SLC2A6: variants seen among roughly 807,000 people sequenced by gnomAD.
SLC2A6 encodes solute carrier family 2 member 6.
Under a neutral mutation model 47.8 loss-of-function variants are expected in SLC2A6, and 39 were observed. The observed-to-expected ratio is 0.82, with a 90% CI of 0.63 to 1.07. The LOEUF is 1.07. SLC2A6 is among the 50% of genes least tolerant of loss of function. The probability of loss-of-function intolerance (pLI) is 0.00; values close to 1 mark genes in which losing one functional copy is unlikely to be tolerated. For synonymous variants in SLC2A6, 346 were observed against 324.1 expected (o/e 1.07, Z -0.73); for missense variants, 650 against 707.6 (o/e 0.92, Z 0.92).
intron 9 of SLC2A6, among the ~76,000 whole-genome samples, chr9:133,472,549 A>ATGGACTCACTCTGGGTTGCC (rs1317459309): frequency 6.6e-5 from 10 of 152,030 alleles, no homozygotes; most frequent in Admixed American, 4.6e-4. Flanking sequence ...CTCTAGGCTG[A>ATGGACTCACTCTGGGTTGCC]TGGACTCACT....
chr9:133,472,244 G>T, intron 9 of SLC2A6, 68 bp from the exon 10 acceptor site: 1 of 1,569,756 alleles, frequency 6.4e-7, no homozygotes, highest in Non-Finnish European at 8.7e-7. Flanking sequence ...AGAGGAGCTC[G>T]TGGGCGCTGC....
At chr9:133,476,386 A>G in intron 3 of SLC2A6, 50 bp from the exon 4 acceptor site, 1 of 1,533,898 alleles carries the variant, frequency 6.5e-7, no homozygotes, top group East Asian at 2.3e-5. Flanking sequence ...ACTGGTTCCT[A>G]GGCCCGGCCG....
At chr9:133,474,151 C>T in intron 6 of SLC2A6, 63 bp from the exon 7 acceptor site, 1 of 1,358,536 alleles carries the variant, frequency 7.4e-7, no homozygotes, top group East Asian at 2.5e-5. Flanking sequence ...CCTCCAGGAC[C>T]CAGCTTGTCC....
chr9:133,476,131 C>T (rs1554803272), intron 4 of SLC2A6, 106 bp downstream of exon 4: 1 of 905,416 alleles, frequency 1.1e-6, no homozygotes, highest in Admixed American at 2.4e-5. Flanking sequence ...TGCCTCTCAG[C>T]CCAGGATCTG....
At chr9:133,476,747 C>G (rs587688537) in intron 3 of SLC2A6, among the ~76,000 whole-genome samples, 2 of 152,284 alleles carry the variant, frequency 1.3e-5, no homozygotes, top group East Asian at 3.9e-4. Context: ...CCCTCTCCTA[C>G]CCATTGCTCA....
rs1554802637 is a variant in SLC2A6, at chr9:133,474,099, G to T, written c.928-11C>A. 1.9e-6 allele frequency: 3 copies of T among 1,585,366 alleles called. No homozygotes were observed. In the South Asian group the frequency reaches 3.4e-5, roughly 18 times the overall value. On this transcript the variant is annotated splice_polypyrimidine_tract_variant and intron_variant, in intron 6 of 9. Coordinates refer to ENST00000371899, the MANE Select transcript of SLC2A6 (RefSeq NM_017585.4). ...GTCGTCCTTGGGGGGCTATCGGGGG[G>T]AGACCACCAGGGCTGAGGGACCTGC...
At chr9:133,475,795 T>A (rs1225994295) in intron 4 of SLC2A6, among the ~76,000 whole-genome samples, 184 bp from the exon 5 acceptor site, 2 of 152,274 alleles carry the variant, frequency 1.3e-5, no homozygotes, top group East Asian at 3.9e-4. Flanking sequence ...TGGCACATAG[T>A]GGGAAGTCCT....
In SLC2A6 at chr9:133,475,077, G is replaced by A; in HGVS notation, c.811C>T (p.His271Tyr). The A allele has an allele frequency of 2.5e-6, 4 of 1,597,014 alleles. No individual in the cohort carries two copies. The highest frequency in any genetic ancestry group is 2.3e-5 in the East Asian group (1 of 44,264). ...RVSWAEARAP[H>Y]VCRPITVALL... is the part of the protein sequence containing the mutation. ...GCCACGGTGATGGGCCGGCACACGT[G>A]TGGGGCCCGTGCCTCAGCCCACGAT... The change falls in exon 6 of 10, where the codon CAC becomes TAC. Residue 271 changes from histidine (H) to tyrosine (Y), a missense_variant. His to Tyr is a moderately conservative substitution (Grantham distance 83, BLOSUM62 2). Transcript: ENST00000371899.
chr9:133,476,246 A>G lies in SLC2A6; in HGVS notation c.553T>C (p.Tyr185His). The change falls in exon 4 of 10, where the codon TAC becomes CAC. Residue 185 changes from tyrosine (Y) to histidine (H), a missense_variant. Coordinates refer to ENST00000371899, the MANE Select transcript of SLC2A6 (RefSeq NM_017585.4). ...GCGGGGCCATACTTGCCAAGGGCGT[A>G]GAGGGACAGGGATCCGAACACTGCC... ...LMAVFGSLSL[Y>H]ALGLLLPWRW... 1.2e-6 allele frequency: 2 copies of G among 1,612,528 alleles called. No individual in the cohort carries two copies. The highest frequency in any genetic ancestry group is 1.7e-6 in the Non-Finnish European group (2 of 1,179,596).
intron 7 of SLC2A6, 104 bp from the exon 8 acceptor site, chr9:133,473,704 G>A (rs920070845): frequency 2.9e-5 from 35 of 1,226,064 alleles, no homozygotes; most frequent in South Asian, 6.5e-5. Context: ...GGTCCAGCTC[G>A]TGTCTGGGAC....
In SLC2A6 at chr9:133,473,783, C is replaced by T. The variant is rs1021563591; in HGVS notation, c.1037-183G>A. 38 of 758,224 alleles carry T rather than the reference C, an allele frequency of 5.0e-5. No homozygotes were observed. The African/African-American group carries it at 5.1e-4, about 10-fold the overall frequency. The allele number at this position is 758,224 out of a possible 1,614,324, so 47.0% of individuals were successfully genotyped here. A position where few individuals can be genotyped will look rare whatever the true frequency, so the allele number is the denominator to read the frequency against. On this transcript the variant is annotated intron_variant, in intron 7 of 9. Transcript: ENST00000371899. ...GTTAGGCTCCCACCGTGGAGTGTCACAGCCAGTGTGTCCACTCGGAGCCCC... is the reference window on the plus strand; with the variant it reads ...GTTAGGCTCCCACCGTGGAGTGTCATAGCCAGTGTGTCCACTCGGAGCCCC...
chr9:133,478,715 C>G, intron 1 of SLC2A6: 1 of 585,988 alleles, frequency 1.7e-6, no homozygotes, highest in Admixed American at 3.2e-5. Context: ...AGGCAGAACC[C>G]CTGCTCGCTG....
chr9:133,471,453 C>A lies in SLC2A6; in HGVS notation c.*568G>T, dbSNP rs1278491436. 3 of 152,398 alleles carry A rather than the reference C, an allele frequency of 2.0e-5. No homozygotes were observed. Among genetic ancestry groups the A allele is most frequent in the African/African-American group, 4.8e-5 (2 of 41,396 alleles). The allele number at this position is 152,398 out of a possible 1,614,324, so 9.4% of individuals were successfully genotyped here. Reference sequence around the variant, plus strand: ...GGCCAGGCTGGTCTTGAACTCCTGGCCTTGGGTAATCCACCTGCTTTGGCC... The same window carrying A: ...GGCCAGGCTGGTCTTGAACTCCTGGACTTGGGTAATCCACCTGCTTTGGCC... On this transcript the variant is annotated 3_prime_UTR_variant, in exon 10 of 10. Coordinates refer to ENST00000371899, the MANE Select transcript of SLC2A6 (RefSeq NM_017585.4).
rs587661459 is a variant in SLC2A6, at chr9:133,473,811, C to T, written c.1036+169G>A. 7.3e-5 allele frequency: 55 copies of T among 750,786 alleles called. No homozygotes were observed. In the African/African-American group the frequency reaches 9.1e-4, roughly 12 times the overall value. 46.5% of individuals were successfully genotyped at this position (750,786 alleles called of 1,614,324 possible). ...CCAGTGTGTCCACTCGGAGCCCCAG[C>T]GGACCTTTCTGGACCACTGGCCTGG... On this transcript the variant is annotated intron_variant, in intron 7 of 9. Transcript: ENST00000371899.
intron 2 of SLC2A6, among the ~76,000 whole-genome samples, chr9:133,477,689 G>C (rs1266894716): frequency 1.3e-5 from 2 of 152,182 alleles, no homozygotes; most frequent in Non-Finnish European, 2.9e-5. Context: ...TGGGGAGAGC[G>C]CAAGTTCTAC....
Position 133,477,218 on chromosome 9 carries a change from C to T in SLC2A6, c.279G>A (p.Ala93=), listed in dbSNP as rs782187628. ...WFGSVFTLGA[A]AGGLSAMILN... is the part of the protein sequence containing the mutation. ...GGATCATGGCACTCAGGCCTCCGGCCGCTGCTCCCAGGGTGAACACGGACT... is the reference window on the plus strand; with the variant it reads ...GGATCATGGCACTCAGGCCTCCGGCTGCTGCTCCCAGGGTGAACACGGACT... Residue 93 remains alanine, a synonymous_variant, in exon 3 of 10, where the codon GCG becomes GCA. Coordinates refer to ENST00000371899, the MANE Select transcript of SLC2A6 (RefSeq NM_017585.4). 24 of 1,550,832 alleles carry T rather than the reference C, an allele frequency of 1.5e-5. No individual in the cohort carries two copies. Among genetic ancestry groups the T allele is most frequent in the Middle Eastern group, 1.7e-4 (1 of 5,934 alleles).
Position 133,475,569 on chromosome 9 carries a change from G to A in SLC2A6, c.605C>T (p.Ala202Val), listed in dbSNP as rs200841653. 11 of 1,606,794 alleles carry A rather than the reference G, an allele frequency of 6.8e-6. No homozygotes were observed. The highest frequency in any genetic ancestry group is 2.2e-4 in the Middle Eastern group (1 of 4,506). ...CAGCAGGATCATGATGAGCACAGGC[G>A]CCTCCCCGGCCACAGCCAGCCAGCG... ...PWRWLAVAGE[A>V]PVLIMILLLS... Residue 202 changes from alanine (A) to valine (V), a missense_variant, in exon 5 of 10, where the codon GCG becomes GTG. Ala to Val is a moderately conservative substitution (Grantham distance 64). Coordinates refer to ENST00000371899, the MANE Select transcript of SLC2A6 (RefSeq NM_017585.4).
chr9:133,475,588 G>A lies in SLC2A6; in HGVS notation c.586C>T (p.Leu196=). 6.2e-7 allele frequency: 1 copy of A among 1,603,254 alleles called. No individual in the cohort carries two copies. Among genetic ancestry groups the A allele is most frequent in the Non-Finnish European group, 8.5e-7 (1 of 1,176,830 alleles). The change falls in exon 5 of 10, where the codon CTG becomes TTG. Residue 196 remains leucine (L), a synonymous_variant. Transcript: ENST00000371899. The part of the protein sequence containing the change: ...ALGLLLPWRW[L]AVAGEAPVLI... ...ACAGGCGCCTCCCCGGCCACAGCCA[G>A]CCAGCGCCACGGCAGCAGGAGGCCT...
rs969788142 is a variant in SLC2A6, at chr9:133,474,022, T to C, written c.994A>G (p.Thr332Ala). 1 of 1,610,882 alleles carries C rather than the reference T, an allele frequency of 6.2e-7. No homozygotes were observed. The highest frequency in any genetic ancestry group is 8.5e-7 in the Non-Finnish European group (1 of 1,179,000). ...RLLSVLIAAL[T>A]MDLAGRKVLL... ...ACCTTGCGGCCTGCGAGGTCCATGG[T>C]GAGGGCGGCGATCAGCACGGACAGG... The change falls in exon 7 of 10, where the codon ACC (threonine) becomes GCC (alanine). Residue 332 changes from threonine (T) to alanine (A), a missense_variant. By Grantham distance (58) the Thr-to-Ala change is moderately conservative. Transcript: ENST00000371899.
Sources: gnomAD v4.1 joint callset for allele counts (sites outside exome capture counted in the v4.1 genomes callset) on GRCh38, gnomAD v4.1.1 for gene constraint, MANE v1.5 for transcripts, NCBI Gene and HGNC (gene_info 2026-07-23, HGNC 2026-07-21) for gene names.